Variants in JPH2 observed in about 807,000 individuals in gnomAD.
JPH2 encodes the protein junctophilin-2.
In JPH2, 38 loss-of-function variants were observed where a neutral mutation model predicts 55.9. The ratio of observed to expected loss-of-function variants is 0.68; its 90% CI spans 0.52 to 0.89. JPH2 has a LOEUF of 0.89. Among genes scored for constraint, JPH2 ranks in the 40% least tolerant of loss-of-function variants. JPH2 has a pLI of 0.00. For synonymous variants in JPH2, 480 were observed against 472.4 expected, an observed-to-expected ratio of 1.02 and a Z score of -0.21; for missense variants, 964 against 1,037.6, an observed-to-expected ratio of 0.93 and a Z score of 0.97.
At chr20:44,157,448 G>A (rs182458969) in intron 2 of JPH2, among the ~76,000 whole-genome samples, 4 of 152,218 alleles carry the variant, frequency 2.6e-5, no homozygotes, top group Non-Finnish European at 4.4e-5. Context: ...GTCTCCCACC[G>A]CCCAGTCCGG....
chr20:44,172,090 A>C (rs2072703273), intron 1 of JPH2, among the ~76,000 whole-genome samples: 1 of 152,212 alleles, frequency 6.6e-6, no homozygotes, highest in African/African-American at 2.4e-5. Flanking sequence ...TGGTTTATCT[A>C]GCAGAGATCT....
rs536528286 is a variant in JPH2 at position 44,178,067 on chromosome 20, A to T, written c.379+8260T>A. On this transcript the variant is annotated intron_variant, in intron 1 of 5. Transcript: ENST00000372980. ...CGGCACAGCTGGGATTTGAACCCAG[A>T]TCTGCCTACTCTAAGTCTCAGTTGC... The T allele has an allele frequency of 1.0e-4, 81 of 779,984 alleles. No homozygotes were observed. The East Asian group carries it at 1.8e-3, about 17-fold the overall frequency. The allele number at this position is 779,984 out of a possible 1,614,324, so 48.3% of individuals were successfully genotyped here.
intron 1 of JPH2, among the ~76,000 whole-genome samples, chr20:44,175,526 T>C (rs573086397): frequency 6.6e-6 from 1 of 152,326 alleles, no homozygotes; most frequent in East Asian, 1.9e-4. Context: ...CAAATCTCCA[T>C]AGTCTCTGGT....
chr20:44,114,588 G>GTA (rs1170730083), intron 5 of JPH2, among the ~76,000 whole-genome samples, 194 bp downstream of exon 5: 2 of 151,408 alleles, frequency 1.3e-5, no homozygotes, highest in African/African-American at 4.9e-5. Flanking sequence ...GTGTGTGTGT[G>GTA]TGTGTGTGTG....
At chr20:44,172,200 G>T (rs746574416) in intron 1 of JPH2, among the ~76,000 whole-genome samples, 1 of 152,224 alleles carries the variant, frequency 6.6e-6, no homozygotes, top group Non-Finnish European at 1.5e-5. Flanking sequence ...TTCCTGGGAT[G>T]TGGAACTTTC....
At chr20:44,149,973 A>AGG (rs1600852468) in intron 2 of JPH2, among the ~76,000 whole-genome samples, 1 of 146,668 alleles carries the variant, frequency 6.8e-6, no homozygotes, top group East Asian at 2.0e-4. Context: ...GAAAAAAAAA[A>AGG]AAAAAAAAAA....
chr20:44,119,278 CATATA>C (rs2072217681), intron 2 of JPH2, among the ~76,000 whole-genome samples: 3 of 152,188 alleles, frequency 2.0e-5, no homozygotes, highest in Admixed American at 6.5e-5. Flanking sequence ...CTAATTACAA[CATATA>C]ATATGACATG....
chr20:44,160,146 G>T lies in JPH2; in HGVS notation c.641C>A (p.Ala214Glu), dbSNP rs952147058. The change falls in exon 2 of 6, where the codon GCG (alanine) becomes GAG (glutamate). Residue 214 changes from alanine (A) to glutamate (E), a missense_variant. Coordinates refer to ENST00000372980, the MANE Select transcript of JPH2 (RefSeq NM_020433.5). This position sits in a 1 kb window ranked among gnomAD's most constrained non-coding sequence, Gnocchi z 4.9. ...LLANAEAAAR[A>E]PKGGGLFQRG... Reference sequence around the variant, plus strand: ...CTGGAAGAGGCCGCCGCCCTTGGGCGCCCGCGCGGCCGCCTCGGCATTGGC... The same window carrying T: ...CTGGAAGAGGCCGCCGCCCTTGGGCTCCCGCGCGGCCGCCTCGGCATTGGC... 7.0e-6 allele frequency: 10 copies of T among 1,435,396 alleles called. No individual in the cohort carries two copies. The highest frequency in any genetic ancestry group is 9.1e-6 in the Non-Finnish European group (10 of 1,103,656). The allele number at this position is 1,435,396 out of a possible 1,614,324, so 88.9% of individuals were successfully genotyped here. A position where few individuals can be genotyped will look rare whatever the true frequency, so the allele number is the denominator to read the frequency against.
Position 44,110,023 on chromosome 20 carries a change from G to A in JPH2, c.*3495C>T, listed in dbSNP as rs773946098. Among the ~76,000 whole-genome samples, 2 of 152,152 alleles carry A rather than the reference G, an allele frequency of 1.3e-5. No homozygotes were observed. Among genetic ancestry groups the A allele is most frequent in the Admixed American group, 1.3e-4 (2 of 15,272 alleles). On this transcript the variant is annotated 3_prime_UTR_variant, in exon 6 of 6. Transcript: ENST00000372980. Reference sequence around the variant, plus strand: ...CAGGAGACCCATCAGACTTCCTAGAGCTGCCTGTGGTCAAGATTAGAAGAG... The same window carrying A: ...CAGGAGACCCATCAGACTTCCTAGAACTGCCTGTGGTCAAGATTAGAAGAG...
chr20:44,115,804 G>C lies in JPH2; in HGVS notation c.1871C>G (p.Pro624Arg). 6.2e-7 allele frequency: 1 copy of C among 1,607,172 alleles called. No individual in the cohort carries two copies. The highest frequency in any genetic ancestry group is 1.1e-5 in the South Asian group (1 of 91,040). Residue 624 changes from proline (P) to arginine (R), a missense_variant, in exon 4 of 6, where the codon CCC (proline) becomes CGC (arginine). By Grantham distance (103) the Pro-to-Arg change is moderately radical (BLOSUM62 -2). Coordinates refer to ENST00000372980, the MANE Select transcript of JPH2 (RefSeq NM_020433.5). ...CTCGGCTTTGGGGATGATGGGCTTG[G>C]GCTCCAGCTTGGCGGGGGTCTCGCG... is the stretch of plus-strand genomic sequence containing the variant. ...PARETPAKLEPKPIIPKAEPR... is the reference protein window; with the variant it reads ...PARETPAKLERKPIIPKAEPR...
At chr20:44,155,212 C>T (rs946464918) in intron 2 of JPH2, among the ~76,000 whole-genome samples, 9 of 152,202 alleles carry the variant, frequency 5.9e-5, no homozygotes, top group Non-Finnish European at 1.0e-4. Flanking sequence ...CATACTCCTT[C>T]TAACCACCCT....
intron 2 of JPH2, among the ~76,000 whole-genome samples, chr20:44,142,755 G>T (rs536860066): frequency 6.6e-6 from 1 of 152,338 alleles, no homozygotes; most frequent in East Asian, 1.9e-4. Flanking sequence ...TTCCCCAAGA[G>T]CCTAAAACTT....
intron 1 of JPH2, chr20:44,177,188 G>A: frequency 5.1e-6 from 5 of 985,624 alleles, no homozygotes; most frequent in Non-Finnish European, 6.0e-6. Context: ...GCTCGGGAAG[G>A]GATAGGTGAG....
intron 2 of JPH2, among the ~76,000 whole-genome samples, chr20:44,134,719 T>TAG (rs2072389392): frequency 1.7e-5 from 1 of 58,174 alleles, no homozygotes; most frequent in Admixed American, 3.2e-4. Flanking sequence ...ATATTATAAA[T>TAG]ATATATTTAT....
intron 1 of JPH2, chr20:44,177,244 C>G: frequency 1.0e-6 from 1 of 985,948 alleles, no homozygotes; most frequent in Non-Finnish European, 1.2e-6. Flanking sequence ...CAGGAAGCAA[C>G]CCTGTCCCCC....
In JPH2 at chr20:44,111,123, T is replaced by C. The variant is rs542851772; in HGVS notation, c.*2395A>G. ...CTCTGCTCTAAGCCTCTGTGGAATG[T>C]GGCGATCCCCTCAGGCTCCCCCACT... On this transcript the variant is annotated 3_prime_UTR_variant, in exon 6 of 6. Transcript: ENST00000372980. Among the ~76,000 whole-genome samples, 1 of 152,236 alleles carries C rather than the reference T, an allele frequency of 6.6e-6. No individual in the cohort carries two copies. Among genetic ancestry groups the C allele is most frequent in the Non-Finnish European group, 1.5e-5 (1 of 68,042 alleles).
chr20:44,142,784 C>G (rs2072467071), intron 2 of JPH2, among the ~76,000 whole-genome samples: 1 of 152,224 alleles, frequency 6.6e-6, no homozygotes, highest in Non-Finnish European at 1.5e-5. Context: ...ACAGAGCAGG[C>G]TCTCAATAAG....
Position 44,187,135 on chromosome 20 carries a change from A to C in JPH2, c.-430T>G. ...GGTGGCAGCCCCCGCCGGAGGCTGAATTCCCGCAGCCCGCTGGCCCCCTTC... is the reference window on the plus strand; with the variant it reads ...GGTGGCAGCCCCCGCCGGAGGCTGACTTCCCGCAGCCCGCTGGCCCCCTTC... On this transcript the variant is annotated 5_prime_UTR_variant, in exon 1 of 6. Coordinates refer to ENST00000372980, the MANE Select transcript of JPH2 (RefSeq NM_020433.5). 5.3e-6 allele frequency: 1 copy of C among 189,508 alleles called. No individual in the cohort carries two copies. Among genetic ancestry groups the C allele is most frequent in the Non-Finnish European group, 1.1e-5 (1 of 91,540 alleles). The allele number at this position is 189,508 out of a possible 1,614,324, so 11.7% of individuals were successfully genotyped here.
intron 2 of JPH2, among the ~76,000 whole-genome samples, chr20:44,152,210 C>A (rs1055413046): frequency 6.6e-6 from 1 of 152,214 alleles, no homozygotes; most frequent in Non-Finnish European, 1.5e-5. Flanking sequence ...AAGGTCAGAT[C>A]GTGGTTAAGA....
Sources: allele counts gnomAD v4.1 joint callset (sites outside exome capture counted in the v4.1 genomes callset), GRCh38; gene constraint gnomAD v4.1.1; non-coding constraint Gnocchi (gnomAD v3.1); transcripts MANE v1.5; gene names NCBI Gene and HGNC (gene_info 2026-07-23, HGNC 2026-07-21).